The following RHOQ variants were observed in gnomAD, a reference collection of about 807,000 sequenced individuals.
RHOQ encodes the protein rho-related GTP-binding protein RhoQ.
A neutral mutation model predicts 25.8 loss-of-function variants in RHOQ; 7 were observed. That is an observed-to-expected ratio of 0.27 (90% confidence interval 0.15 to 0.51). The LOEUF is 0.51. Among genes scored for constraint, RHOQ ranks in the 20% least tolerant of loss-of-function variants. The probability of loss-of-function intolerance (pLI) is 0.97; values close to 1 mark genes in which losing one functional copy is unlikely to be tolerated. For synonymous variants in RHOQ, 97 were observed against 98.6 expected (o/e 0.98, Z 0.10); for missense variants, 165 against 260.6 (o/e 0.63, Z 2.53).
chr2:46,560,524 G>C (rs1318191561), intron 2 of RHOQ: 1 of 455,520 alleles, frequency 2.2e-6, no homozygotes, highest in Non-Finnish European at 4.4e-6. Flanking sequence ...TGGCATACAG[G>C]CTTTGCAGCA....
chr2:46,572,440 A>G (rs1407842439), intron 2 of RHOQ, among the ~76,000 whole-genome samples: 1 of 152,064 alleles, frequency 6.6e-6, no homozygotes, highest in Non-Finnish European at 1.5e-5. Flanking sequence ...TCATTATCAC[A>G]TATCGAGGAC....
At chr2:46,558,231 T>C (rs1668463029) in intron 2 of RHOQ, among the ~76,000 whole-genome samples, 1 of 152,330 alleles carries the variant, frequency 6.6e-6, no homozygotes, top group African/African-American at 2.4e-5. Flanking sequence ...TCAGGTTTAT[T>C]AGGATTCTCT....
Position 46,580,919 on chromosome 2 carries a change from C to T in RHOQ, c.463-9C>T, listed in dbSNP as rs200753154. ...CTTATATATTTGTGATTTTTTTTCTCCCTCCCAGATAGGAGCATGCTGCTA... is the reference window on the plus strand; with the variant it reads ...CTTATATATTTGTGATTTTTTTTCTTCCTCCCAGATAGGAGCATGCTGCTA... On this transcript the variant is annotated splice_polypyrimidine_tract_variant and intron_variant, in intron 4 of 4. Coordinates refer to ENST00000238738, the MANE Select transcript of RHOQ (RefSeq NM_012249.4). 4.2e-5 allele frequency: 61 copies of T among 1,468,398 alleles called. No individual in the cohort carries two copies. The highest frequency in any genetic ancestry group is 5.3e-5 in the Non-Finnish European group (59 of 1,109,914). The allele number at this position is 1,468,398 out of a possible 1,614,324, so 91.0% of individuals were successfully genotyped here.
chr2:46,580,839 T>G, intron 4 of RHOQ, 89 bp from the exon 5 acceptor site: 1 of 957,570 alleles, frequency 1.0e-6, no homozygotes, highest in South Asian at 3.0e-5. Context: ...TAGCTGTATT[T>G]TATAATTTTC....
intron 2 of RHOQ, among the ~76,000 whole-genome samples, chr2:46,557,104 A>AGAAAGGAAAG (rs1668433019): frequency 6.6e-6 from 1 of 152,224 alleles, no homozygotes; most frequent in East Asian, 1.9e-4. Context: ...GTTGAAAAGG[A>AGAAAGGAAAG]GAAAGGAAAG....
At chr2:46,558,037 T>C (rs1036505519) in intron 2 of RHOQ, among the ~76,000 whole-genome samples, 5 of 152,244 alleles carry the variant, frequency 3.3e-5, no homozygotes, top group Non-Finnish European at 4.4e-5. Context: ...TTGTTGCTTC[T>C]CTTACTTGGT....
At position 46,576,738 on chromosome 2, in the gene RHOQ, CT is replaced by C. The variant is rs1319067675; in HGVS notation, c.462+83del. On this transcript the variant is annotated intron_variant, in intron 4 of 4. Coordinates refer to ENST00000238738, the MANE Select transcript of RHOQ (RefSeq NM_012249.4). This position sits in a 1 kb window ranked among gnomAD's most constrained non-coding sequence, Gnocchi z 5.1. ...AGAAGCTAATTTTATTGTGTATTTA[CT>C]GTGTGCCAGGTGGAGTGCTTTACAT... 1 of 962,920 alleles carries C rather than the reference CT, an allele frequency of 1.0e-6. No individual in the cohort carries two copies. Among genetic ancestry groups the C allele is most frequent in the Non-Finnish European group, 1.6e-6 (1 of 622,642 alleles). The allele number at this position is 962,920 out of a possible 1,614,324, so 59.6% of individuals were successfully genotyped here.
At position 46,569,906 on chromosome 2, in the gene RHOQ, C is replaced by A. The variant is rs191282315; in HGVS notation, c.202-6181C>A. On this transcript the variant is annotated intron_variant, in intron 2 of 4. Coordinates refer to ENST00000238738, the MANE Select transcript of RHOQ (RefSeq NM_012249.4). The surrounding 1 kb of genome is among the most constrained non-coding windows in gnomAD (Gnocchi z 4.1). ...ATTTATAGCACCTAAAAAAACCTTT[C>A]TCTTCCCCAAAATTTTCTTTAGTCC... Among the ~76,000 whole-genome samples, 85 of 152,264 alleles carry A rather than the reference C, an allele frequency of 5.6e-4. No individual in the cohort carries two copies. The highest frequency in any genetic ancestry group is 7.9e-4 in the African/African-American group (33 of 41,570).
In RHOQ at chr2:46,581,068, T is replaced by C. The variant is rs1371893187; in HGVS notation, c.603T>C (p.Cys201=). 8 of 1,543,890 alleles carry C rather than the reference T, an allele frequency of 5.2e-6. No individual in the cohort carries two copies. The highest frequency in any genetic ancestry group is 2.8e-5 in the African/African-American group (2 of 71,612). Residue 201 remains cysteine (C), a synonymous_variant, in exon 5 of 5, where the codon TGT becomes TGC. Coordinates refer to ENST00000238738, the MANE Select transcript of RHOQ (RefSeq NM_012249.4). ...GAATAGGATCAAGATGTATAAACTGTTGTTTAATTACGTGAGAAACATCTT... is the reference window on the plus strand; with the variant it reads ...GAATAGGATCAAGATGTATAAACTGCTGTTTAATTACGTGAGAAACATCTT... ...KKRIGSRCIN[C]CLIT is the part of the protein sequence containing the mutation.
At chr2:46,544,293 T>C (rs1417632165) in intron 2 of RHOQ, among the ~76,000 whole-genome samples, 1 of 152,170 alleles carries the variant, frequency 6.6e-6, no homozygotes, top group Non-Finnish European at 1.5e-5. Flanking sequence ...ATCATTGCAC[T>C]CTGGGACTCC....
chr2:46,553,830 G>C (rs562623103), intron 2 of RHOQ, among the ~76,000 whole-genome samples: 2 of 152,224 alleles, frequency 1.3e-5, no homozygotes, highest in East Asian at 1.9e-4. Context: ...GCCCACTTCA[G>C]CCTCCCAAAG....
At position 46,555,316 on chromosome 2, in the gene RHOQ, T is replaced by A. The variant is rs963012153; in HGVS notation, c.201+11504T>A. 2.6e-5 allele frequency among the ~76,000 whole-genome samples: 4 copies of A among 152,236 alleles called. No individual in the cohort carries two copies. The highest frequency in any genetic ancestry group is 9.6e-5 in the African/African-American group (4 of 41,466). ...TTCATGTGTAAATCTTTGCTCCCCA[T>A]GCAGATTGTAAACTCTTCCCCTTGC... On this transcript the variant is annotated intron_variant, in intron 2 of 4. Transcript: ENST00000238738. This position sits in a 1 kb window ranked among gnomAD's most constrained non-coding sequence, Gnocchi z 4.3.
Position 46,565,494 on chromosome 2 carries a change from T to A in RHOQ, c.202-10593T>A, listed in dbSNP as rs139501481. Among the ~76,000 whole-genome samples, 162 of 152,338 alleles carry A rather than the reference T, an allele frequency of 1.1e-3. 3 individuals are homozygous for A. The East Asian group carries it at 0.014, about 13-fold the overall frequency. On this transcript the variant is annotated intron_variant, in intron 2 of 4. Transcript: ENST00000238738. ...AGGCTCTCCTATTAAGAGCTCACAT[T>A]CAGGGAGGTGGGTTGGACCCATTGG...
At chr2:46,554,980 G>A (rs1244450833) in intron 2 of RHOQ, among the ~76,000 whole-genome samples, 1 of 152,122 alleles carries the variant, frequency 6.6e-6, no homozygotes, top group African/African-American at 2.4e-5. Flanking sequence ...TCACAGAGTT[G>A]TCTTCCCCAG....
chr2:46,549,382 G>A lies in RHOQ; in HGVS notation c.201+5570G>A, dbSNP rs534651758. 4.0e-4 allele frequency among the ~76,000 whole-genome samples: 61 copies of A among 152,264 alleles called. No homozygotes were observed. In the Middle Eastern group the frequency reaches 0.014, roughly 34 times the overall value. Reference sequence around the variant, plus strand: ...AATTGGGCTTTTGCGGTTTTGTTGTGCAGTTTGGGGTTTCAAGAGATTAGA... The same window carrying A: ...AATTGGGCTTTTGCGGTTTTGTTGTACAGTTTGGGGTTTCAAGAGATTAGA... On this transcript the variant is annotated intron_variant, in intron 2 of 4. Transcript: ENST00000238738.
In RHOQ at chr2:46,580,965, C is replaced by T. The variant is rs1669343486; in HGVS notation, c.500C>T (p.Thr167Ile). 2 of 1,566,982 alleles carry T rather than the reference C, an allele frequency of 1.3e-6. No homozygotes were observed. The highest frequency in any genetic ancestry group is 1.7e-6 in the Non-Finnish European group (2 of 1,163,222). ...ACCYVECSAL[T>I]QKGLKTVFDE... ...TGCTATGTGGAATGTTCAGCTTTAACCCAGAAGGGATTGAAGACTGTTTTT... is the reference window on the plus strand; with the variant it reads ...TGCTATGTGGAATGTTCAGCTTTAATCCAGAAGGGATTGAAGACTGTTTTT... The change falls in exon 5 of 5, where the codon ACC (threonine) becomes ATC (isoleucine). Residue 167 changes from threonine to isoleucine, a missense_variant. Transcript: ENST00000238738.
At chr2:46,579,732 C>T (rs1223441383) in intron 4 of RHOQ, among the ~76,000 whole-genome samples, 1 of 151,946 alleles carries the variant, frequency 6.6e-6, no homozygotes, top group Non-Finnish European at 1.5e-5. Context: ...CCTGTAATCC[C>T]AGCTAGTCAG....
intron 2 of RHOQ, among the ~76,000 whole-genome samples, chr2:46,575,328 T>C (rs1376722510): frequency 4.6e-5 from 7 of 151,120 alleles, no homozygotes; most frequent in Non-Finnish European, 1.5e-5. Context: ...AAATATTAAG[T>C]AGAGGGAATG....
chr2:46,551,932 T>G (rs2103989158), intron 2 of RHOQ, among the ~76,000 whole-genome samples: 1 of 152,238 alleles, frequency 6.6e-6, no homozygotes, highest in Admixed American at 6.5e-5. Context: ...GTTAAATGAC[T>G]CGCTCCAGGC....
Sources: allele counts gnomAD v4.1 joint callset (sites outside exome capture counted in the v4.1 genomes callset), GRCh38; gene constraint gnomAD v4.1.1; non-coding constraint Gnocchi (gnomAD v3.1); transcripts MANE v1.5; gene names NCBI Gene and HGNC (gene_info 2026-07-23, HGNC 2026-07-21).